Variants in MYLK observed in about 807,000 individuals in gnomAD.
The protein encoded by MYLK is myosin light chain kinase.
A neutral mutation model predicts 203.4 loss-of-function variants in MYLK; 106 were observed. The ratio of observed to expected loss-of-function variants is 0.52; its 90% CI spans 0.45 to 0.61. MYLK has a LOEUF of 0.61. Among genes scored for constraint, MYLK ranks in the 20% least tolerant of loss-of-function variants. MYLK has a pLI of 0.00. For missense variants in MYLK, 2,072 were observed against 2,442.3 expected (o/e 0.85, Z 3.20); for synonymous variants, 867 against 959.5 (o/e 0.90, Z 1.78).
intron 29 of MYLK, chr3:123,630,758 A>G (rs2058381887): frequency 6.6e-6 from 1 of 152,252 alleles, no homozygotes; most frequent in Non-Finnish European, 1.5e-5. Context: ...GAGTGCAGGA[A>G]TGACTTTGTG....
rs1343610380 is a variant in MYLK at position 123,642,700 on chromosome 3, T to C, written c.4620-2196A>G. Among the ~76,000 whole-genome samples the C allele has an allele frequency of 6.6e-6, 1 of 152,220 alleles. No individual in the cohort carries two copies. The highest frequency in any genetic ancestry group is 1.9e-4 in the East Asian group (1 of 5,204). On this transcript the variant is annotated intron_variant, in intron 27 of 33. Coordinates refer to ENST00000360304, the MANE Select transcript of MYLK (RefSeq NM_053025.4). This position sits in a 1 kb window ranked among gnomAD's most constrained non-coding sequence, Gnocchi z 4.2. Reference sequence around the variant, plus strand: ...GTATTCTTAGGTCTCAGCCAGTTATTAACATCTCTGTGCTTCATTTTCCTC... The same window carrying C: ...GTATTCTTAGGTCTCAGCCAGTTATCAACATCTCTGTGCTTCATTTTCCTC...
At chr3:123,708,474 CAG>C (rs1313554772) in intron 15 of MYLK, among the ~76,000 whole-genome samples, 1 of 152,174 alleles carries the variant, frequency 6.6e-6, no homozygotes. Context: ...ACCAGTAACC[CAG>C]AGAGGGCAGG....
At chr3:123,639,416 C>T (rs1215610755) in intron 28 of MYLK, among the ~76,000 whole-genome samples, 3 of 152,214 alleles carry the variant, frequency 2.0e-5, no homozygotes, top group African/African-American at 4.8e-5. Context: ...ATTCATTTGG[C>T]CCCTCCTTTC....
At chr3:123,637,696 C>T (rs1442112050) in intron 29 of MYLK, among the ~76,000 whole-genome samples, 4 of 152,088 alleles carry the variant, frequency 2.6e-5, no homozygotes, top group African/African-American at 7.2e-5. Context: ...GAGATTCGCC[C>T]CTGGCCTCCT....
At chr3:123,675,126 T>G (rs935705645) in intron 20 of MYLK, among the ~76,000 whole-genome samples, 1 of 152,248 alleles carries the variant, frequency 6.6e-6, no homozygotes, top group African/African-American at 2.4e-5. Flanking sequence ...GGGCTTGAAT[T>G]TTTATATAAC....
chr3:123,870,185 C>T (rs1369300697), intron 2 of MYLK, among the ~76,000 whole-genome samples: 1 of 152,240 alleles, frequency 6.6e-6, no homozygotes, highest in African/African-American at 2.4e-5. Flanking sequence ...GTGCCAACCA[C>T]ATCCCCCAGA....
intron 29 of MYLK, among the ~76,000 whole-genome samples, chr3:123,634,684 G>A (rs2058571576): frequency 6.6e-6 from 1 of 152,208 alleles, no homozygotes; most frequent in Non-Finnish European, 1.5e-5. Flanking sequence ...TGGGAGAGAA[G>A]GCATTGTGGA....
At chr3:123,739,627 T>C (rs55733136) in intron 6 of MYLK, among the ~76,000 whole-genome samples, 2,354 of 152,354 alleles carry the variant, frequency 0.015, 57 homozygotes, top group African/African-American at 0.052. Context: ...TTGAGGCTTG[T>C]CTGTTACAGC....
chr3:123,640,170 G>A lies in MYLK; in HGVS notation c.4837+117C>T. 1.1e-6 allele frequency: 1 copy of A among 949,564 alleles called. No individual in the cohort carries two copies. The highest frequency in any genetic ancestry group is 1.3e-5 in the South Asian group (1 of 74,188). The allele number at this position is 949,564 out of a possible 1,614,324, so 58.8% of individuals were successfully genotyped here. On this transcript the variant is annotated intron_variant, in intron 28 of 33. Transcript: ENST00000360304. This position sits in a 1 kb window ranked among gnomAD's most constrained non-coding sequence, Gnocchi z 4.3. The stretch of plus-strand genomic sequence containing the variant: ...TAGGGGCAGGATTCAAACCTGGGAA[G>A]TCTTCATGGTCTCGGATTTAACCCC...
At chr3:123,674,798 T>C (rs1454131122) in intron 20 of MYLK, among the ~76,000 whole-genome samples, 2 of 152,270 alleles carry the variant, frequency 1.3e-5, no homozygotes, top group Non-Finnish European at 2.9e-5. Flanking sequence ...GCATATTCTT[T>C]GGGCAGGTCG....
chr3:123,733,461 C>G (rs1420412991), intron 10 of MYLK, among the ~76,000 whole-genome samples: 1 of 152,190 alleles, frequency 6.6e-6, no homozygotes, highest in Non-Finnish European at 1.5e-5. Context: ...AGTACTCTAT[C>G]CAAGAGCAAA....
intron 2 of MYLK, among the ~76,000 whole-genome samples, chr3:123,866,894 T>C (rs1381719412): frequency 1.3e-5 from 2 of 152,298 alleles, no homozygotes; most frequent in East Asian, 1.9e-4. Context: ...ACTGAGGCCA[T>C]GGTGTTCCAG....
In MYLK at chr3:123,716,872, G is replaced by A. The variant is rs549315779; in HGVS notation, c.1804+5256C>T. Among the ~76,000 whole-genome samples the A allele has an allele frequency of 2.3e-3, 353 of 152,216 alleles. 1 individual carries two copies. Among genetic ancestry groups the A allele is most frequent in the African/African-American group, 8.0e-3 (334 of 41,554 alleles). On this transcript the variant is annotated intron_variant, in intron 13 of 33. Coordinates refer to ENST00000360304, the MANE Select transcript of MYLK (RefSeq NM_053025.4). The stretch of plus-strand genomic sequence containing the variant: ...CTATGGCATGGGCACAAACGTACAT[G>A]TATATGCTCAGAAGTCTTTCTGTAA...
intron 3 of MYLK, among the ~76,000 whole-genome samples, chr3:123,829,240 A>C (rs1322529206): frequency 6.6e-6 from 1 of 152,228 alleles, no homozygotes; most frequent in African/African-American, 2.4e-5. Flanking sequence ...GTATAGATAC[A>C]CAATGGAATA....
chr3:123,744,222 A>G (rs1288682034), intron 5 of MYLK, among the ~76,000 whole-genome samples: 1 of 152,246 alleles, frequency 6.6e-6, no homozygotes, highest in Admixed American at 6.5e-5. Context: ...AATTATAAAA[A>G]TATGGATTTC....
intron 5 of MYLK, among the ~76,000 whole-genome samples, chr3:123,744,866 T>C (rs963572949): frequency 6.6e-6 from 1 of 152,234 alleles, no homozygotes; most frequent in Non-Finnish European, 1.5e-5. Flanking sequence ...GCCTACATTT[T>C]ATGCATCTCC....
At chr3:123,731,783 T>TA (rs11385680) in intron 11 of MYLK, among the ~76,000 whole-genome samples, 16,371 of 149,572 alleles carry the variant, frequency 0.11, 2,667 homozygotes, top group African/African-American at 0.36. Flanking sequence ...GATGAACTTA[T>TA]AAAAAAAAAA....
At chr3:123,662,284 C>T (rs2108308753) in intron 23 of MYLK, among the ~76,000 whole-genome samples, 1 of 152,328 alleles carries the variant, frequency 6.6e-6, no homozygotes, top group Middle Eastern at 3.4e-3. Flanking sequence ...CACTTAGCCT[C>T]TGATGCACTA....
intron 23 of MYLK, chr3:123,659,613 T>G: frequency 2.0e-6 from 1 of 501,294 alleles, no homozygotes; most frequent in Non-Finnish European, 4.0e-6. Flanking sequence ...AGCTGTGGGC[T>G]GCACCTAATG....
Sources: gnomAD v4.1 joint callset for allele counts (sites outside exome capture counted in the v4.1 genomes callset) on GRCh38, gnomAD v4.1.1 for gene constraint, Gnocchi (gnomAD v3.1) non-coding constraint, MANE v1.5 for transcripts, NCBI Gene and HGNC (gene_info 2026-07-23, HGNC 2026-07-21) for gene names.